The following APBB2 variants were observed in gnomAD, a reference collection of about 807,000 sequenced individuals.
The protein encoded by APBB2 is Fe65-like 1.
Under a neutral mutation model 82.5 loss-of-function variants are expected in APBB2, and 38 were observed. The ratio of observed to expected loss-of-function variants is 0.46; its 90% CI spans 0.36 to 0.60. The LOEUF (loss-of-function observed/expected upper bound fraction) is 0.60. Among genes scored for constraint, APBB2 ranks in the 20% least tolerant of loss-of-function variants. The pLI, the probability that APBB2 is intolerant of heterozygous loss-of-function variation, is 0.00. For missense variants in APBB2, 772 were observed against 972.3 expected (o/e 0.79, Z 2.74); for synonymous variants, 341 against 368.2 (o/e 0.93, Z 0.85).
chr4:41,079,549 AT>A (rs36207850), intron 3 of APBB2, among the ~76,000 whole-genome samples: 276 of 145,038 alleles, frequency 1.9e-3, no homozygotes, highest in Admixed American at 2.6e-3. Flanking sequence ...AGGCTCATCA[AT>A]TTTTTTTTTT....
chr4:41,179,073 G>A (rs1770620042), intron 1 of APBB2, among the ~76,000 whole-genome samples: 1 of 152,082 alleles, frequency 6.6e-6, no homozygotes, highest in South Asian at 2.1e-4. Flanking sequence ...CTATTGCACA[G>A]ACATCCATTT....
chr4:40,952,508 C>A (rs1332751818), intron 6 of APBB2, among the ~76,000 whole-genome samples: 1 of 151,932 alleles, frequency 6.6e-6, no homozygotes, highest in Non-Finnish European at 1.5e-5. Context: ...GATTGATGCC[C>A]TCATTCTCCA....
At position 40,980,629 on chromosome 4, in the gene APBB2, G is replaced by T. The variant is rs75193104; in HGVS notation, c.835+32954C>A. ...GTTTGGGACAGTGTCAAAAACAGTA[G>T]AAATTATAGCCCTAAAGTTAGATAG... On this transcript the variant is annotated intron_variant, in intron 6 of 17. Coordinates refer to ENST00000508593, the MANE Select transcript of APBB2 (RefSeq NM_004307.2). Among the ~76,000 whole-genome samples, 6 of 152,292 alleles carry T rather than the reference G, an allele frequency of 3.9e-5. No homozygotes were observed. The East Asian group carries it at 9.6e-4, about 24-fold the overall frequency.
chr4:41,041,471 A>T (rs1721479323), intron 4 of APBB2, among the ~76,000 whole-genome samples: 1 of 152,214 alleles, frequency 6.6e-6, no homozygotes, highest in Non-Finnish European at 1.5e-5. Context: ...AATAAACTTG[A>T]ATTTCTTACA....
intron 5 of APBB2, among the ~76,000 whole-genome samples, chr4:41,022,127 C>T (rs61138159): frequency 0.046 from 6,981 of 152,232 alleles, 339 homozygotes; most frequent in African/African-American, 0.12. Context: ...GAATAAATTC[C>T]GGACACAGAG....
intron 6 of APBB2, 63 bp downstream of exon 6, chr4:41,013,520 C>G (rs1310869796): frequency 1.4e-6 from 2 of 1,467,270 alleles, no homozygotes; most frequent in African/African-American, 1.4e-5. Context: ...GAGATTTACT[C>G]CAATAGTTGA....
At chr4:41,030,605 T>C (rs1344538039) in intron 5 of APBB2, among the ~76,000 whole-genome samples, 1 of 152,182 alleles carries the variant, frequency 6.6e-6, no homozygotes, top group Non-Finnish European at 1.5e-5. Flanking sequence ...CATTCTTTAA[T>C]AAAGCCTCAG....
intron 6 of APBB2, among the ~76,000 whole-genome samples, chr4:40,958,222 C>T (rs1424827031): frequency 2.6e-5 from 4 of 152,038 alleles, no homozygotes; most frequent in Admixed American, 6.6e-5. Context: ...ATTCTAAATA[C>T]CTCCACACAG....
At chr4:40,930,457 G>A (rs1311899095) in intron 10 of APBB2, among the ~76,000 whole-genome samples, 6 of 122,496 alleles carry the variant, frequency 4.9e-5, no homozygotes, top group South Asian at 2.5e-4. Flanking sequence ...GTGCGCGCGC[G>A]CGCGCGCGCG....
rs1754706299 is a variant in APBB2, at chr4:41,127,416, C to T, written c.-261+15571G>A. On this transcript the variant is annotated intron_variant, in intron 2 of 17. Transcript: ENST00000508593. This position sits in a 1 kb window ranked among gnomAD's most constrained non-coding sequence, Gnocchi z 4.8. ...ATTGCAAAAAAATTTCATTCTCACT[C>T]ACTTCACATGTGCCTTTTCATGTAG... is the stretch of plus-strand genomic sequence containing the variant. Among the ~76,000 whole-genome samples the T allele has an allele frequency of 6.6e-6, 1 of 152,206 alleles. No individual in the cohort carries two copies. Among genetic ancestry groups the T allele is most frequent in the South Asian group, 2.1e-4 (1 of 4,826 alleles).
intron 1 of APBB2, among the ~76,000 whole-genome samples, chr4:41,176,246 T>C (rs17527711): frequency 0.051 from 7,688 of 152,152 alleles, 276 homozygotes; most frequent in Non-Finnish European, 0.072. Context: ...ACAGAAAGCA[T>C]AAAGAGTCCA....
At chr4:40,942,218 C>T (rs930978440) in intron 7 of APBB2, among the ~76,000 whole-genome samples, 3 of 152,210 alleles carry the variant, frequency 2.0e-5, no homozygotes, top group Non-Finnish European at 2.9e-5. Flanking sequence ...ACTGAAAGGT[C>T]AGCCTGAAGA....
At chr4:40,902,893 C>A (rs1775713494) in intron 10 of APBB2, among the ~76,000 whole-genome samples, 1 of 152,202 alleles carries the variant, frequency 6.6e-6, no homozygotes, top group African/African-American at 2.4e-5. Context: ...GTAATCCCAA[C>A]TACTTGGGAG....
rs952355409 is a variant in APBB2, at chr4:40,814,155, C to T, written c.*1937G>A. On this transcript the variant is annotated 3_prime_UTR_variant, in exon 18 of 18. Transcript: ENST00000508593. ...ACCACAAGTAGCATCTGGAAAATCT[C>T]GTAGATGGAACAGGCTGTGAATGTA... The T allele has an allele frequency of 6.6e-6, 1 of 152,134 alleles. No homozygotes were observed. The highest frequency in any genetic ancestry group is 2.4e-5 in the African/African-American group (1 of 41,416). The allele number at this position is 152,134 out of a possible 1,614,324, so 9.4% of individuals were successfully genotyped here.
chr4:41,063,053 T>G (rs1730420990), intron 4 of APBB2, among the ~76,000 whole-genome samples: 1 of 152,208 alleles, frequency 6.6e-6, no homozygotes, highest in African/African-American at 2.4e-5. Flanking sequence ...ATGTTAGCAT[T>G]TTAACCACTG....
intron 7 of APBB2, among the ~76,000 whole-genome samples, chr4:40,936,456 T>G (rs987935490): frequency 1.3e-5 from 2 of 152,154 alleles, no homozygotes; most frequent in Non-Finnish European, 2.9e-5. Flanking sequence ...GGGGTTCCAT[T>G]ATGCTACCCA....
At chr4:41,159,032 A>G (rs980407330) in intron 1 of APBB2, among the ~76,000 whole-genome samples, 1 of 152,046 alleles carries the variant, frequency 6.6e-6, no homozygotes, top group Non-Finnish European at 1.5e-5. Flanking sequence ...CACCCACCCC[A>G]CCTCACCCTC....
intron 1 of APBB2, among the ~76,000 whole-genome samples, chr4:41,171,685 C>T (rs767721011): frequency 7.9e-5 from 12 of 152,154 alleles, no homozygotes; most frequent in Non-Finnish European, 1.5e-4. Flanking sequence ...GGGCTGGGCG[C>T]GGTGGCTCAT....
chr4:41,021,007 C>T (rs1384631224), intron 5 of APBB2, among the ~76,000 whole-genome samples: 1 of 152,226 alleles, frequency 6.6e-6, no homozygotes, highest in Non-Finnish European at 1.5e-5. Flanking sequence ...TGGAGTTAAG[C>T]AACATGGCTT....
Sources: gnomAD v4.1 joint callset for allele counts (sites outside exome capture counted in the v4.1 genomes callset) on GRCh38, gnomAD v4.1.1 for gene constraint, Gnocchi (gnomAD v3.1) non-coding constraint, MANE v1.5 for transcripts, NCBI Gene and HGNC (gene_info 2026-07-23, HGNC 2026-07-21) for gene names.